SLC20A2: variants seen among roughly 807,000 people sequenced by gnomAD.
SLC20A2 encodes sodium-dependent phosphate transporter 2.
Under a neutral mutation model 61.0 loss-of-function variants are expected in SLC20A2, and 30 were observed. That is an observed-to-expected ratio of 0.49 (90% CI 0.37 to 0.67). SLC20A2 has a LOEUF of 0.67. Ranked by LOEUF, SLC20A2 falls within the 30% of genes least tolerant of loss-of-function variation. The pLI is 0.00. For missense variants in SLC20A2, 626 were observed against 866.4 expected (o/e 0.72, Z 3.48); for synonymous variants, 351 against 353.3 (o/e 0.99, Z 0.07).
chr8:42,453,896 T>C (rs188050842), intron 5 of SLC20A2, among the ~76,000 whole-genome samples: 14 of 152,326 alleles, frequency 9.2e-5, no homozygotes, highest in African/African-American at 2.6e-4. Flanking sequence ...TTATGACTGA[T>C]GGTAACAAAA....
upstream of SLC20A2, among the ~76,000 whole-genome samples, chr8:42,503,047 T>C (rs560045307): frequency 4.3e-4 from 65 of 152,334 alleles, no homozygotes; most frequent in Admixed American, 4.1e-3. Flanking sequence ...ATCCATTCAT[T>C]GGAAGGCAGG....
At chr8:42,534,148 C>A (rs1812557768) in intron 1 of SLC20A2, among the ~76,000 whole-genome samples, 1 of 151,828 alleles carries the variant, frequency 6.6e-6, no homozygotes, top group Non-Finnish European at 1.5e-5. Context: ...GAAACCTGTT[C>A]TCTACTAAAA....
intron 1 of SLC20A2, among the ~76,000 whole-genome samples, chr8:42,495,077 G>A (rs1013016292): frequency 1.3e-5 from 2 of 151,274 alleles, no homozygotes; most frequent in South Asian, 2.1e-4. Context: ...GAATGGTCTC[G>A]ATCTCCTGAC....
At position 42,520,415 on chromosome 8, in the gene SLC20A2, G is replaced by A. The variant is rs1000767634; in HGVS notation, c.-265+21406C>T. Among the ~76,000 whole-genome samples, 29 of 122,844 alleles carry A rather than the reference G, an allele frequency of 2.4e-4. 2 individuals carry two copies. The highest frequency in any genetic ancestry group is 7.3e-4 in the African/African-American group (29 of 39,766). 80.6% of individuals were successfully genotyped at this position (122,844 alleles called of 152,430 possible). ...AAATTAACCTCTACCACATTACAAAGAATTGATATTTTAAAAGCCCGTTAC... is the reference window on the plus strand; with the variant it reads ...AAATTAACCTCTACCACATTACAAAAAATTGATATTTTAAAAGCCCGTTAC... On this transcript the variant is annotated intron_variant, in intron 1 of 10. Transcript: ENST00000342228.
chr8:42,463,584 T>C (rs1355239410), intron 3 of SLC20A2, among the ~76,000 whole-genome samples: 2 of 152,352 alleles, frequency 1.3e-5, no homozygotes, highest in East Asian at 3.9e-4. Context: ...TTCCCGCCTC[T>C]GGGTGCACAG....
intron 5 of SLC20A2, among the ~76,000 whole-genome samples, chr8:42,451,155 G>A (rs1398710897): frequency 6.6e-6 from 1 of 151,760 alleles, no homozygotes; most frequent in Admixed American, 6.6e-5. Context: ...AGGGGGAGGA[G>A]GAAGAGGTGG....
At chr8:42,506,436 G>A (rs1248632959) in intron 1 of SLC20A2, among the ~76,000 whole-genome samples, 2 of 152,200 alleles carry the variant, frequency 1.3e-5, no homozygotes, top group African/African-American at 4.8e-5. Context: ...ATCTAGCACA[G>A]GCACACAAAG....
At chr8:42,450,074 T>C (rs1342088159) in intron 5 of SLC20A2, among the ~76,000 whole-genome samples, 1 of 152,224 alleles carries the variant, frequency 6.6e-6, no homozygotes, top group Non-Finnish European at 1.5e-5. Context: ...TAGATCAATA[T>C]ATTCAAAGCA....
chr8:42,448,637 A>G (rs937496462), intron 5 of SLC20A2, among the ~76,000 whole-genome samples: 1 of 152,164 alleles, frequency 6.6e-6, no homozygotes, highest in Non-Finnish European at 1.5e-5. Flanking sequence ...AAACTCTGAA[A>G]TCACCTCCCA....
At chr8:42,497,591 T>A (rs561280101) in intron 1 of SLC20A2, among the ~76,000 whole-genome samples, 1 of 152,282 alleles carries the variant, frequency 6.6e-6, no homozygotes, top group East Asian at 1.9e-4. Context: ...TCTTTGCCAC[T>A]GAGACACACA....
chr8:42,523,303 C>G (rs1382535806), intron 1 of SLC20A2, among the ~76,000 whole-genome samples: 7 of 152,116 alleles, frequency 4.6e-5, no homozygotes, highest in Admixed American at 4.6e-4. Context: ...GCACTCCAGC[C>G]TGGGCAACAA....
At chr8:42,519,974 T>C (rs1381365068) in intron 1 of SLC20A2, among the ~76,000 whole-genome samples, 3 of 151,484 alleles carry the variant, frequency 2.0e-5, no homozygotes, top group South Asian at 2.1e-4. Context: ...AGTCAATTAA[T>C]GAGTTTCCCA....
intron 8 of SLC20A2, among the ~76,000 whole-genome samples, chr8:42,435,849 G>C (rs945046299): frequency 3.9e-5 from 6 of 152,286 alleles, no homozygotes; most frequent in African/African-American, 1.4e-4. Context: ...GGGTGTGGTG[G>C]CTCACACCTG....
intron 2 of SLC20A2, among the ~76,000 whole-genome samples, chr8:42,470,742 G>T (rs1807569151): frequency 1.3e-5 from 2 of 152,096 alleles, no homozygotes; most frequent in Non-Finnish European, 2.9e-5. Flanking sequence ...GAGAGGTGAT[G>T]GTGGGTGGAT....
rs1345979315 is a variant in SLC20A2, at chr8:42,489,032, T to C, written c.-265+11999A>G. ...TTGGCTCACTGCAACCTCCGCCTCC[T>C]AGGTTCAAGCGATTCTCCTGCCTCA... On this transcript the variant is annotated intron_variant, in intron 1 of 10. Transcript: ENST00000520262. Among the ~76,000 whole-genome samples, 7 of 141,206 alleles carry C rather than the reference T, an allele frequency of 5.0e-5. No individual in the cohort carries two copies. In the South Asian group the frequency reaches 1.3e-3, roughly 26 times the overall value. 92.6% of individuals were successfully genotyped at this position (141,206 alleles called of 152,430 possible).
chr8:42,465,850 C>G lies in SLC20A2; in HGVS notation c.357G>C (p.Val119=). ...CCAGTGAGAATCCTATAGTAGAACCCACAATGCAGTGCGTTCCTGAGATTG... is the reference window on the plus strand; with the variant it reads ...CCAGTGAGAATCCTATAGTAGAACCGACAATGCAGTGCGTTCCTGAGATTG... The part of the protein sequence containing the change: ...RLPISGTHCI[V]GSTIGFSLVA... The change falls in exon 3 of 11, where the codon GTG becomes GTC. Residue 119 remains valine, a synonymous_variant. Coordinates refer to ENST00000520262, the MANE Select transcript of SLC20A2 (RefSeq NM_001257180.2). The G allele has an allele frequency of 6.2e-7, 1 of 1,614,000 alleles. No homozygotes were observed. The highest frequency in any genetic ancestry group is 8.5e-7 in the Non-Finnish European group (1 of 1,179,978).
chr8:42,527,621 A>T (rs1812057564), intron 1 of SLC20A2, among the ~76,000 whole-genome samples: 1 of 151,876 alleles, frequency 6.6e-6, no homozygotes, highest in Admixed American at 6.6e-5. Flanking sequence ...ATACAAAATT[A>T]GCCAGGCGTG....
rs780358007 is a variant in SLC20A2 at position 42,472,571 on chromosome 8, A to T, written c.-181T>A. On this transcript the variant is annotated 5_prime_UTR_variant, in exon 2 of 11. An upstream open reading frame in the 5' UTR gains an earlier in-frame stop. Coordinates refer to ENST00000520262, the MANE Select transcript of SLC20A2 (RefSeq NM_001257180.2). This position sits in a 1 kb window ranked among gnomAD's most constrained non-coding sequence, Gnocchi z 4.1. ...TGCTGGTTTGCAAACTACTGTCAGG[A>T]CAGTTCATTTGGTTGTGTTCAGTCA... 5.2e-5 allele frequency: 31 copies of T among 598,238 alleles called. No individual in the cohort carries two copies. Among genetic ancestry groups the T allele is most frequent in the Non-Finnish European group, 6.7e-5 (23 of 341,290 alleles). 37.1% of individuals were successfully genotyped at this position (598,238 alleles called of 1,614,324 possible). A position where few individuals can be genotyped will look rare whatever the true frequency, so the allele number is the denominator to read the frequency against.
At chr8:42,478,666 A>G (rs567724232) in intron 1 of SLC20A2, among the ~76,000 whole-genome samples, 1 of 152,248 alleles carries the variant, frequency 6.6e-6, no homozygotes, top group African/African-American at 2.4e-5. Flanking sequence ...GTATTACTGC[A>G]CGTGTTGTCA....
Sources: allele counts gnomAD v4.1 joint callset (sites outside exome capture counted in the v4.1 genomes callset), GRCh38; gene constraint gnomAD v4.1.1; non-coding constraint Gnocchi (gnomAD v3.1); transcripts MANE v1.5; gene names NCBI Gene and HGNC (gene_info 2026-07-23, HGNC 2026-07-21).